TENM2: variants seen among roughly 807,000 people sequenced by gnomAD.
TENM2 encodes the protein teneurin transmembrane protein 2, also known as teneurin-2.
Under a neutral mutation model 245.2 loss-of-function variants are expected in TENM2, and 52 were observed. The observed-to-expected ratio is 0.21, with a 90% CI of 0.17 to 0.27. The LOEUF is 0.27. Ranked by LOEUF, TENM2 falls within the 10% of genes least tolerant of loss-of-function variation. TENM2 has a pLI of 1.00. For missense variants in TENM2, 3,046 were observed against 3,666.8 expected, an observed-to-expected ratio of 0.83 and a Z score of 4.37; for synonymous variants, 1,363 against 1,438.9, an observed-to-expected ratio of 0.95 and a Z score of 1.19.
chr5:168,154,160 AAAAAAAC>A (rs1756927452), intron 12 of TENM2, among the ~76,000 whole-genome samples: 1 of 151,156 alleles, frequency 6.6e-6, no homozygotes, highest in Admixed American at 6.6e-5. Flanking sequence ...AAAAAAAAAA[AAAAAAAC>A]AGTAAGAGCT....
rs764193780 is a variant in TENM2, at chr5:168,062,215, G to T, written c.1465G>T (p.Ala489Ser). 39 of 1,613,570 alleles carry T rather than the reference G, an allele frequency of 2.4e-5. No individual in the cohort carries two copies. Among genetic ancestry groups the T allele is most frequent in the Non-Finnish European group, 3.1e-5 (36 of 1,179,812 alleles). ...GTTCAACATCTCCCTCGGGAAGGAC[G>T]CTCTCTTTGGTGTTTACATAAGAAG... Residue 489 changes from alanine (A) to serine (S), a missense_variant, in exon 7 of 29, where the codon GCT becomes TCT. By Grantham distance (99) the Ala-to-Ser change is moderately conservative. Transcript: ENST00000518659.
intron 2 of TENM2, among the ~76,000 whole-genome samples, chr5:167,508,863 C>G (rs1769735879): frequency 6.6e-6 from 1 of 152,106 alleles, no homozygotes; most frequent in Non-Finnish European, 1.5e-5. Context: ...TTCTGTCGCT[C>G]AGCTGGAGTG....
At chr5:167,774,433 A>G (rs540262929) in intron 2 of TENM2, among the ~76,000 whole-genome samples, 4 of 152,286 alleles carry the variant, frequency 2.6e-5, no homozygotes, top group Admixed American at 2.0e-4. Flanking sequence ...CCCTTACTCC[A>G]TGGTCTTCTT....
intron 1 of TENM2, among the ~76,000 whole-genome samples, chr5:167,351,180 GGGATATATAT>G (rs1758889141): frequency 6.8e-6 from 1 of 147,990 alleles, no homozygotes; most frequent in Admixed American, 6.9e-5. Flanking sequence ...ATATACATAT[GGGATATATAT>G]GGATATATAT....
chr5:167,348,027 C>T (rs1758574463), intron 1 of TENM2, among the ~76,000 whole-genome samples: 1 of 152,146 alleles, frequency 6.6e-6, no homozygotes. Context: ...CAAAATTCTG[C>T]CAGCAGGCAA....
the TENM2 span, among the ~76,000 whole-genome samples, chr5:167,232,403 C>T: frequency 6.6e-6 from 1 of 151,588 alleles, no homozygotes; most frequent in Non-Finnish European, 1.5e-5. Flanking sequence ...GACAGAGTCT[C>T]ACTCTGTCAC....
At position 168,175,568 on chromosome 5, in the gene TENM2, G is replaced by T. The variant is rs576425059; in HGVS notation, c.2569+12811G>T. 9.2e-5 allele frequency among the ~76,000 whole-genome samples: 14 copies of T among 152,310 alleles called. 1 individual carries two copies. Among genetic ancestry groups the T allele is most frequent in the African/African-American group, 3.4e-4 (14 of 41,548 alleles). ...CATTTAACTAACAAAGAAGCTGAGG[G>T]CCTAGAGGTTAACTTGCCCAGAGTC... On this transcript the variant is annotated intron_variant, in intron 13 of 28. Coordinates refer to ENST00000518659, the Ensembl canonical transcript of TENM2.
At chr5:167,101,849 T>TATATATATATATATATATATA in the TENM2 span, among the ~76,000 whole-genome samples, 7 of 69,436 alleles carry the variant, frequency 1.0e-4, no homozygotes, top group South Asian at 6.8e-4. Context: ...ATATATATAT[T>TATATATATATATATATATATA]TATATATATA....
At chr5:167,953,104 A>C (rs554403021) in intron 4 of TENM2, among the ~76,000 whole-genome samples, 37 of 152,188 alleles carry the variant, frequency 2.4e-4, no homozygotes, top group Non-Finnish European at 4.6e-4. Flanking sequence ...TTTTTACTCG[A>C]AGGCTCATGG....
chr5:168,165,663 C>T (rs1406666558), intron 13 of TENM2, among the ~76,000 whole-genome samples: 2 of 103,388 alleles, frequency 1.9e-5, no homozygotes, highest in African/African-American at 3.5e-5. Flanking sequence ...CCCCCCCCCC[C>T]CGGCTGGCAG....
chr5:168,077,514 G>A (rs1207020444), intron 7 of TENM2, among the ~76,000 whole-genome samples: 1 of 151,832 alleles, frequency 6.6e-6, no homozygotes, highest in Admixed American at 6.6e-5. Context: ...TGCCATGTTG[G>A]TGTGCTGCAC....
intron 2 of TENM2, among the ~76,000 whole-genome samples, chr5:167,525,028 A>G (rs1388052095): frequency 6.6e-6 from 1 of 151,978 alleles, no homozygotes; most frequent in Non-Finnish European, 1.5e-5. Context: ...GTTAACAAGA[A>G]TCATCCCTTG....
intron 13 of TENM2, among the ~76,000 whole-genome samples, chr5:168,170,197 T>C (rs1488213376): frequency 6.6e-6 from 1 of 152,176 alleles, no homozygotes; most frequent in Non-Finnish European, 1.5e-5. Flanking sequence ...CTTATGCTAC[T>C]GAGGTTTAGA....
chr5:167,474,585 C>A (rs1333071802), intron 2 of TENM2, among the ~76,000 whole-genome samples: 1 of 151,150 alleles, frequency 6.6e-6, no homozygotes, highest in Admixed American at 6.6e-5. Flanking sequence ...GTGATCATGG[C>A]TCACTGCAAC....
chr5:167,960,599 A>G (rs922588795), intron 4 of TENM2, among the ~76,000 whole-genome samples: 1 of 152,170 alleles, frequency 6.6e-6, no homozygotes, highest in East Asian at 1.9e-4. Flanking sequence ...GCTGGCAGCA[A>G]GAATTTCAAG....
At chr5:167,482,352 A>C (rs929826106) in intron 2 of TENM2, among the ~76,000 whole-genome samples, 1 of 152,148 alleles carries the variant, frequency 6.6e-6, no homozygotes, top group African/African-American at 2.4e-5. Context: ...GTATGGTTGA[A>C]TACTATATAT....
intron 25 of TENM2, among the ~76,000 whole-genome samples, chr5:168,242,249 G>A (rs1766164196): frequency 6.6e-6 from 1 of 152,130 alleles, no homozygotes; most frequent in South Asian, 2.1e-4. Flanking sequence ...TCATTACCTG[G>A]GCACAAAGCT....
At chr5:168,207,491 CTT>C (rs1762450592) in intron 19 of TENM2, among the ~76,000 whole-genome samples, 1 of 152,308 alleles carries the variant, frequency 6.6e-6, no homozygotes, top group Non-Finnish European at 1.5e-5. Flanking sequence ...TGCCTTTAGA[CTT>C]GTTCTTACTT....
chr5:167,158,451 C>T, the TENM2 span, among the ~76,000 whole-genome samples: 4 of 152,122 alleles, frequency 2.6e-5, no homozygotes, highest in South Asian at 6.2e-4. Context: ...GATTGGCCTG[C>T]TTGGGGTCTA....
Sources: allele counts gnomAD v4.1 joint callset (sites outside exome capture counted in the v4.1 genomes callset), GRCh38; gene constraint gnomAD v4.1.1; transcripts MANE v1.5; gene names NCBI Gene and HGNC (gene_info 2026-07-23, HGNC 2026-07-21).